Variants in MICAL3 observed in about 807,000 individuals in gnomAD.
The protein encoded by MICAL3 is [F-actin]-monooxygenase MICAL3.
MICAL3 carries 62 observed loss-of-function variants against 207.4 expected under a neutral mutation model. The observed-to-expected ratio is 0.30, with a 90% CI of 0.24 to 0.37. The LOEUF is 0.37. Ranked by LOEUF, MICAL3 falls within the 10% of genes least tolerant of loss-of-function variation. MICAL3 has a pLI of 1.00. For missense variants in MICAL3, 2,368 were observed against 2,635.6 expected, an observed-to-expected ratio of 0.90 and a Z score of 2.22; for synonymous variants, 1,077 against 1,069.3, an observed-to-expected ratio of 1.01 and a Z score of -0.14.
At chr22:18,004,100 C>T (rs1923218608) in intron 1 of MICAL3, among the ~76,000 whole-genome samples, 2 of 151,876 alleles carry the variant, frequency 1.3e-5, no homozygotes, top group East Asian at 1.9e-4. Flanking sequence ...CTCCAGATAA[C>T]TCATCTTCCA....
intron 20 of MICAL3, among the ~76,000 whole-genome samples, chr22:17,838,420 C>A (rs1207560173): frequency 1.3e-5 from 2 of 152,208 alleles, no homozygotes; most frequent in Non-Finnish European, 2.9e-5. Context: ...ACAAGGCTGC[C>A]TGGCCCTGCC....
At chr22:17,842,286 A>AG (rs1924098719) in intron 19 of MICAL3, 1 of 514,218 alleles carries the variant, frequency 1.9e-6, no homozygotes, top group African/African-American at 1.9e-5. Flanking sequence ...CCCAGAGGGG[A>AG]GACGCAGTCT....
rs115706113 is a variant in MICAL3, at chr22:17,915,163, G to A, written c.-74-8277C>T. Among the ~76,000 whole-genome samples the A allele has an allele frequency of 7.6e-3, 1,160 of 152,368 alleles. 19 individuals are homozygous for A. The highest frequency in any genetic ancestry group is 0.026 in the African/African-American group (1,102 of 41,588). On this transcript the variant is annotated intron_variant, in intron 1 of 31. Transcript: ENST00000441493. The stretch of plus-strand genomic sequence containing the variant: ...TCCAATCTATAACGTCGGTGCAGAA[G>A]TCAGTGCAGTTACTTTTGCCGTTAC...
chr22:17,965,698 C>A (rs1029468327), intron 1 of MICAL3, among the ~76,000 whole-genome samples: 1 of 152,220 alleles, frequency 6.6e-6, no homozygotes, highest in Non-Finnish European at 1.5e-5. Flanking sequence ...AAGCCTGGAA[C>A]CGTGAACACT....
chr22:18,021,933 G>A (rs1031560242), intron 1 of MICAL3, among the ~76,000 whole-genome samples: 2 of 152,190 alleles, frequency 1.3e-5, no homozygotes, highest in African/African-American at 2.4e-5. Context: ...TCTCGCAGGA[G>A]ATCTTAACCC....
chr22:17,958,288 C>T (rs1277454833), intron 1 of MICAL3, among the ~76,000 whole-genome samples: 1 of 152,194 alleles, frequency 6.6e-6, no homozygotes, highest in Non-Finnish European at 1.5e-5. Context: ...CACTTTGGGT[C>T]CTCAGGCCAC....
intron 1 of MICAL3, among the ~76,000 whole-genome samples, chr22:17,964,807 A>G (rs1441858198): frequency 1.3e-5 from 2 of 152,240 alleles, no homozygotes. Flanking sequence ...GTTTTAAAAA[A>G]CAAAGCAAAA....
chr22:17,919,984 T>C (rs1275268582), intron 1 of MICAL3, among the ~76,000 whole-genome samples: 1 of 152,156 alleles, frequency 6.6e-6, no homozygotes, highest in Non-Finnish European at 1.5e-5. Context: ...CACTTCTGAT[T>C]CCAAGTTACC....
intron 17 of MICAL3, among the ~76,000 whole-genome samples, chr22:17,870,432 C>T (rs925714142): frequency 6.6e-6 from 1 of 152,208 alleles, no homozygotes; most frequent in Non-Finnish European, 1.5e-5. Context: ...TCATGGGTCT[C>T]ATCCCCATAG....
At chr22:17,968,976 C>A (rs1935280965) in intron 1 of MICAL3, among the ~76,000 whole-genome samples, 1 of 152,180 alleles carries the variant, frequency 6.6e-6, no homozygotes, top group African/African-American at 2.4e-5. Flanking sequence ...TATCCCCCAA[C>A]ACACAAAGTC....
intron 1 of MICAL3, among the ~76,000 whole-genome samples, chr22:17,957,019 GTC>G (rs2146373356): frequency 6.6e-6 from 1 of 152,286 alleles, no homozygotes; most frequent in South Asian, 2.1e-4. Flanking sequence ...CTTTAAAGGA[GTC>G]TCTCACATAG....
At chr22:17,836,182 A>G (rs1476504975) in intron 20 of MICAL3, among the ~76,000 whole-genome samples, 2 of 152,156 alleles carry the variant, frequency 1.3e-5, no homozygotes, top group Non-Finnish European at 2.9e-5. Context: ...TAAACAGACA[A>G]GGTTTGCTCC....
At chr22:17,876,858 G>GC (rs1928525634) in intron 16 of MICAL3, 1 of 135,774 alleles carries the variant, frequency 7.4e-6, no homozygotes, top group Non-Finnish European at 1.5e-5. Flanking sequence ...GGAGGTTATG[G>GC]AGGTTAGGGA....
intron 16 of MICAL3, among the ~76,000 whole-genome samples, chr22:17,873,744 C>A (rs985237760): frequency 2.6e-5 from 4 of 152,276 alleles, no homozygotes; most frequent in Non-Finnish European, 4.4e-5. Context: ...ACGTCTCCAT[C>A]ATGAGCCGCC....
intron 29 of MICAL3, among the ~76,000 whole-genome samples, chr22:17,803,014 C>A (rs2061955364): frequency 6.6e-6 from 1 of 152,200 alleles, no homozygotes; most frequent in Non-Finnish European, 1.5e-5. Context: ...GCTAGTGGTT[C>A]TCCTGCTCTA....
Position 17,841,593 on chromosome 22 carries a change from GGTCCTCAA to G in MICAL3, c.2801+221_2801+228del. 1.7e-6 allele frequency: 1 copy of G among 585,920 alleles called. No homozygotes were observed. The allele number at this position is 585,920 out of a possible 1,614,324, so 36.3% of individuals were successfully genotyped here. On this transcript the variant is annotated intron_variant, in intron 20 of 31. Coordinates refer to ENST00000441493, the MANE Select transcript of MICAL3 (RefSeq NM_015241.3). This position sits in a 1 kb window ranked among gnomAD's most constrained non-coding sequence, Gnocchi z 4.2. The stretch of plus-strand genomic sequence containing the variant: ...CAGACTTGGAGCTGGGGACATGTCA[GGTCCTCAA>G]GGAATAAATACTTCCTGAATCTCTG...
Position 17,919,076 on chromosome 22 carries a change from G to GTTTTTTTTTT in MICAL3, c.-74-12200_-74-12191dup, listed in dbSNP as rs35096617. ...CTCCAAATGTTTTTGGTTTTTGTGG[G>GTTTTTTTTTT]TTTTTTTTTTTTTTGAGACAGGCTC... is the stretch of plus-strand genomic sequence containing the variant. On this transcript the variant is annotated intron_variant, in intron 1 of 31. Coordinates refer to ENST00000441493, the MANE Select transcript of MICAL3 (RefSeq NM_015241.3). Among the ~76,000 whole-genome samples, 55 of 136,520 alleles carry GTTTTTTTTTT rather than the reference G, an allele frequency of 4.0e-4. 2 individuals carry two copies. Among genetic ancestry groups the GTTTTTTTTTT allele is most frequent in the African/African-American group, 1.4e-3 (48 of 33,854 alleles). 89.6% of individuals were successfully genotyped at this position (136,520 alleles called of 152,430 possible).
chr22:17,821,827 G>C (rs1921681761), intron 24 of MICAL3, among the ~76,000 whole-genome samples: 1 of 152,262 alleles, frequency 6.6e-6, no homozygotes, highest in African/African-American at 2.4e-5. Flanking sequence ...TGCAAGGAAA[G>C]GGCCTTTGGC....
intron 1 of MICAL3, among the ~76,000 whole-genome samples, chr22:17,917,141 G>A (rs545708028): frequency 3.8e-4 from 57 of 151,920 alleles, no homozygotes; most frequent in African/African-American, 1.2e-3. Context: ...CCTCCCTCCC[G>A]TAGATTTATC....
Sources: allele counts gnomAD v4.1 joint callset (sites outside exome capture counted in the v4.1 genomes callset), GRCh38; gene constraint gnomAD v4.1.1; non-coding constraint Gnocchi (gnomAD v3.1); transcripts MANE v1.5; gene names NCBI Gene and HGNC (gene_info 2026-07-23, HGNC 2026-07-21).